The following NRP1 variants were observed in gnomAD, a reference collection of about 807,000 sequenced individuals.
NRP1 encodes the protein neuropilin-1.
In NRP1, 35 loss-of-function variants were observed where a neutral mutation model predicts 106.7. The ratio of observed to expected loss-of-function variants is 0.33; its 90% confidence interval spans 0.25 to 0.43. NRP1 has a LOEUF of 0.43. Among genes scored for constraint, NRP1 ranks in the 20% least tolerant of loss-of-function variants. The pLI, the probability that NRP1 is intolerant of heterozygous loss-of-function variation, is 1.00. For missense variants in NRP1, 1,024 were observed against 1,170.4 expected (o/e 0.87, Z 1.83); for synonymous variants, 437 against 417.9 (o/e 1.05, Z -0.56).
rs369930652 is a variant in NRP1 at position 33,263,637 on chromosome 10, C to G, written c.658+9G>C. On this transcript the variant is annotated intron_variant, in intron 4 of 16. Transcript: ENST00000374867. The stretch of plus-strand genomic sequence containing the variant: ...CTTCCCTTTTTGGGGTGCTTCCTGT[C>G]ATTCTTACCATCAGGGAATCCATCC... 6.2e-7 allele frequency: 1 copy of G among 1,608,110 alleles called. No individual in the cohort carries two copies. Among genetic ancestry groups the G allele is most frequent in the Non-Finnish European group, 8.5e-7 (1 of 1,174,860 alleles).
intron 10 of NRP1, 69 bp downstream of exon 10, chr10:33,207,503 C>T: frequency 6.4e-7 from 1 of 1,569,704 alleles, no homozygotes; most frequent in Non-Finnish European, 8.7e-7. Flanking sequence ...AAGGCACCAT[C>T]AGGGGCATAA....
intron 2 of NRP1, among the ~76,000 whole-genome samples, chr10:33,314,250 C>G (rs940243363): frequency 9.2e-5 from 14 of 152,190 alleles, no homozygotes; most frequent in Middle Eastern, 6.8e-3. Flanking sequence ...CCATGCTTGG[C>G]TAATTTTTTA....
chr10:33,320,435 G>C (rs1310948283), intron 2 of NRP1, among the ~76,000 whole-genome samples: 3 of 152,132 alleles, frequency 2.0e-5, no homozygotes, highest in South Asian at 2.1e-4. Context: ...GATTAAGCTA[G>C]AGGGAGTGAG....
intron 11 of NRP1, chr10:33,202,601 CG>C: frequency 1.4e-6 from 2 of 1,467,904 alleles, no homozygotes; most frequent in Non-Finnish European, 1.8e-6. Flanking sequence ...AAATAAGGAT[CG>C]GTTTAGTACA....
chr10:33,274,470 G>A (rs1843541285), intron 2 of NRP1, among the ~76,000 whole-genome samples: 1 of 152,140 alleles, frequency 6.6e-6, no homozygotes, highest in African/African-American at 2.4e-5. Flanking sequence ...TAGGAAAATG[G>A]CCAAGTAAGG....
At chr10:33,305,501 A>C (rs542336073) in intron 2 of NRP1, among the ~76,000 whole-genome samples, 1 of 152,162 alleles carries the variant, frequency 6.6e-6, no homozygotes, top group East Asian at 1.9e-4. Context: ...ATATGGCTGA[A>C]GACAAGTGTG....
chr10:33,222,007 TA>T, intron 7 of NRP1, 144 bp from the exon 8 acceptor site: 3 of 815,800 alleles, frequency 3.7e-6, no homozygotes, highest in Non-Finnish European at 5.8e-6. Context: ...CTCGCCATGT[TA>T]ATTTTTTCAA....
intron 10 of NRP1, 29 bp downstream of exon 10, chr10:33,207,543 T>A: frequency 6.2e-7 from 1 of 1,611,768 alleles, no homozygotes; most frequent in Non-Finnish European, 8.5e-7. Flanking sequence ...TAAAAACGCA[T>A]GAGAAGTAAC....
intron 4 of NRP1, among the ~76,000 whole-genome samples, chr10:33,258,234 T>C (rs187495003): frequency 6.6e-6 from 1 of 152,198 alleles, no homozygotes; most frequent in Non-Finnish European, 1.5e-5. Flanking sequence ...TCTTGGCCAA[T>C]TCTCTTTAAA....
intron 2 of NRP1, among the ~76,000 whole-genome samples, chr10:33,312,667 C>T (rs940580249): frequency 1.3e-5 from 2 of 152,202 alleles, no homozygotes; most frequent in Non-Finnish European, 2.9e-5. Flanking sequence ...TTTACAATGG[C>T]ATCTGAATAA....
In NRP1 at chr10:33,186,251, C is replaced by T. The variant is rs148799934; in HGVS notation, c.2300G>A (p.Arg767His). Residue 767 changes from arginine (R) to histidine (H), a missense_variant, in exon 14 of 17, where the codon CGT becomes CAT. By Grantham distance (29) the Arg-to-His change is conservative. This residue lies in a region of NRP1 where 13 missense variants were observed against 34.7 expected (regional missense o/e 0.38). Transcript: ENST00000374867. ...TTTCAGAGACTTGTGGAGCAAGACA[C>T]GCCCTTCCTTCCAGTGGTCACCTTG... ...GHQGDHWKEG[R>H]VLLHKSLKLY... The T allele has an allele frequency of 1.3e-5, 21 of 1,612,116 alleles. No homozygotes were observed. The highest frequency in any genetic ancestry group is 2.7e-5 in the African/African-American group (2 of 74,906).
At chr10:33,225,186 C>T (rs1046883816) in intron 7 of NRP1, among the ~76,000 whole-genome samples, 5 of 152,140 alleles carry the variant, frequency 3.3e-5, no homozygotes, top group African/African-American at 1.2e-4. Context: ...ATCTTGCCTG[C>T]CCTGTCCGAG....
At chr10:33,259,766 C>T (rs1842450120) in intron 4 of NRP1, among the ~76,000 whole-genome samples, 1 of 152,176 alleles carries the variant, frequency 6.6e-6, no homozygotes, top group Admixed American at 6.5e-5. Context: ...TAATTGTAAC[C>T]TTATCTCAGA....
At chr10:33,257,119 C>A (rs898058170) in intron 4 of NRP1, among the ~76,000 whole-genome samples, 4 of 152,190 alleles carry the variant, frequency 2.6e-5, no homozygotes, top group Non-Finnish European at 5.9e-5. Flanking sequence ...TTGGAGACTA[C>A]ATATACCAAT....
chr10:33,315,953 A>T (rs530440238), intron 2 of NRP1, among the ~76,000 whole-genome samples: 1 of 152,202 alleles, frequency 6.6e-6, no homozygotes, highest in Non-Finnish European at 1.5e-5. Flanking sequence ...GCTAGAATAG[A>T]TAAGGGAGCC....
chr10:33,243,701 G>A (rs1841197600), intron 6 of NRP1, among the ~76,000 whole-genome samples: 1 of 152,186 alleles, frequency 6.6e-6, no homozygotes, highest in Non-Finnish European at 1.5e-5. Flanking sequence ...ATGCACAAGT[G>A]CATATGTCAT....
At chr10:33,193,424 C>T (rs10827207) in intron 12 of NRP1, among the ~76,000 whole-genome samples, 21,229 of 152,188 alleles carry the variant, frequency 0.14, 1,854 homozygotes, top group East Asian at 0.5. Flanking sequence ...GGGCTTCTGC[C>T]CCCTCCTTTC....
At chr10:33,305,620 A>G (rs150871828) in intron 2 of NRP1, among the ~76,000 whole-genome samples, 25 of 152,268 alleles carry the variant, frequency 1.6e-4, no homozygotes, top group African/African-American at 5.8e-4. Context: ...TCTACCCATC[A>G]ACTAGAGAGG....
intron 2 of NRP1, among the ~76,000 whole-genome samples, chr10:33,328,960 T>C (rs544374872): frequency 6.6e-6 from 1 of 152,320 alleles, no homozygotes; most frequent in Non-Finnish European, 1.5e-5. Context: ...TTTGGAATAA[T>C]GTTATTACTT....
Sources: allele counts gnomAD v4.1 joint callset (sites outside exome capture counted in the v4.1 genomes callset), GRCh38; gene constraint gnomAD v4.1.1; regional missense constraint gnomAD v4.1.1; transcripts MANE v1.5; gene names NCBI Gene and HGNC (gene_info 2026-07-23, HGNC 2026-07-21).